STAG3: variants seen among roughly 807,000 people sequenced by gnomAD.
The protein encoded by STAG3 is STAG3 cohesin complex component.
In STAG3, 101 loss-of-function variants were observed where a neutral mutation model predicts 160.7. The ratio of observed to expected loss-of-function variants is 0.63; its 90% CI spans 0.54 to 0.74. STAG3 has a LOEUF of 0.74. Ranked by LOEUF, STAG3 falls within the 30% of genes least tolerant of loss-of-function variation. The pLI, the probability that STAG3 is intolerant of heterozygous loss-of-function variation, is 0.00. For synonymous variants in STAG3, 519 were observed against 585.0 expected (o/e 0.89, Z 1.63); for missense variants, 1,188 against 1,517.4 (o/e 0.78, Z 3.61).
intron 22 of STAG3, 27 bp from the exon 23 acceptor site, chr7:100,201,922 T>G: frequency 6.2e-7 from 1 of 1,614,174 alleles, no homozygotes; most frequent in Non-Finnish European, 8.5e-7. Context: ...GTCTTCATTC[T>G]TCCCCTTCAA....
intron 1 of STAG3, among the ~76,000 whole-genome samples, chr7:100,179,160 T>A (rs934543535): frequency 5.6e-4 from 85 of 151,116 alleles, no homozygotes; most frequent in East Asian, 2.5e-3. Flanking sequence ...TTTTTTTTTT[T>A]AATTATGAGT....
At chr7:100,189,995 T>A (rs1800260456) in intron 8 of STAG3, among the ~76,000 whole-genome samples, 1 of 152,140 alleles carries the variant, frequency 6.6e-6, no homozygotes, top group South Asian at 2.1e-4. Flanking sequence ...TTTCAAGGAA[T>A]GGAAAGAAAA....
intron 21 of STAG3, 76 bp downstream of exon 21, chr7:100,201,427 G>T: frequency 7.6e-7 from 1 of 1,322,346 alleles, no homozygotes. Flanking sequence ...GTGGCCACTA[G>T]GTGTGTCAAG....
At chr7:100,181,162 C>G (rs1195344552) in intron 2 of STAG3, among the ~76,000 whole-genome samples, 6 of 152,092 alleles carry the variant, frequency 3.9e-5, no homozygotes, top group Non-Finnish European at 8.8e-5. Flanking sequence ...ATTTCTTCTA[C>G]TTGGGGATTT....
rs1304677852 is a variant in STAG3 at position 100,198,159 on chromosome 7, A to G, written c.1237A>G (p.Ile413Val). 2.5e-6 allele frequency: 4 copies of G among 1,613,746 alleles called. No homozygotes were observed. The highest frequency in any genetic ancestry group is 3.4e-6 in the Non-Finnish European group (4 of 1,179,816). ...GGAGGCTGTCAGATTACTGATACTTATCCTTAAGTGAGTCCTGGGAAGAGG... is the reference window on the plus strand; with the variant it reads ...GGAGGCTGTCAGATTACTGATACTTGTCCTTAAGTGAGTCCTGGGAAGAGG... ...AVEAVRLLIL[I>V]LKNMEGVLTD... Residue 413 changes from isoleucine to valine, a missense_variant, in exon 12 of 34, where the codon ATC becomes GTC. This residue lies in a region of STAG3 where 240 missense variants were observed against 358.1 expected (regional missense o/e 0.67). Coordinates refer to ENST00000615138, the MANE Select transcript of STAG3 (RefSeq NM_001282717.2).
chr7:100,183,520 G>A (rs1394510224), intron 4 of STAG3, among the ~76,000 whole-genome samples: 1 of 152,030 alleles, frequency 6.6e-6, no homozygotes, highest in Non-Finnish European at 1.5e-5. Context: ...TAATTTTATT[G>A]AAGTTCTAAT....
chr7:100,215,542 TGAG>T (rs972077286), downstream of STAG3, among the ~76,000 whole-genome samples: 5 of 152,120 alleles, frequency 3.3e-5, no homozygotes, highest in Non-Finnish European at 5.9e-5. Context: ...GTGGGAGAAC[TGAG>T]GAGAAGATGT....
Position 100,189,036 on chromosome 7 carries a change from C to A in STAG3, c.715+20C>A, listed in dbSNP as rs1394940502. 1 of 1,612,822 alleles carries A rather than the reference C, an allele frequency of 6.2e-7. No homozygotes were observed. Among genetic ancestry groups the A allele is most frequent in the Non-Finnish European group, 8.5e-7 (1 of 1,179,170 alleles). On this transcript the variant is annotated intron_variant, in intron 7 of 33. Coordinates refer to ENST00000615138, the MANE Select transcript of STAG3 (RefSeq NM_001282717.2). ...TGGCTGGTGAGCATTCATTTTTACT[C>A]TGGACATTCTCCTGGGGATTTATAG...
Position 100,198,873 on chromosome 7 carries a change from G to A in STAG3, c.1383G>A (p.Met461Ile), listed in dbSNP as rs149767669. The A allele has an allele frequency of 1.4e-5, 23 of 1,612,294 alleles. No homozygotes were observed. In the East Asian group the frequency reaches 5.1e-4, roughly 36 times the overall value. The change falls in exon 14 of 34, where the codon ATG becomes ATA. Residue 461 changes from methionine (M) to isoleucine (I), a missense_variant. This residue lies in a region of STAG3 where 240 missense variants were observed against 358.1 expected (regional missense o/e 0.67). Transcript: ENST00000615138. ...KLFYPECEIR[M>I]MGGREQRQSP... The stretch of plus-strand genomic sequence containing the variant: ...TCTACCCTGAGTGCGAGATAAGAAT[G>A]ATGGGTGGAAGAGAGCAACGCCAGA...
chr7:100,210,401 T>C (rs188576497), intron 29 of STAG3, among the ~76,000 whole-genome samples: 67 of 152,356 alleles, frequency 4.4e-4, no homozygotes, highest in Admixed American at 4.3e-3. Context: ...CTTTGGATTC[T>C]TTCTCCTCCT....
chr7:100,198,379 T>C (rs933181593), intron 12 of STAG3, 96 bp from the exon 13 acceptor site: 5 of 1,387,810 alleles, frequency 3.6e-6, no homozygotes, highest in Non-Finnish European at 5.1e-6. Context: ...TTGTGAGTTA[T>C]GTCCTTGTTG....
At position 100,205,182 on chromosome 7, in the gene STAG3, G is replaced by C. The variant is rs1801524582; in HGVS notation, c.3081-45G>C. 6.8e-6 allele frequency: 11 copies of C among 1,613,440 alleles called. No homozygotes were observed. The East Asian group carries it at 2.5e-4, about 36-fold the overall frequency. ...TGTGGATTAGGGAAGGGCCTGCTGA[G>C]GGCCCAGTAGCCCCTTCAGGCTTTT... On this transcript the variant is annotated intron_variant, in intron 28 of 33. Transcript: ENST00000615138.
intron 8 of STAG3, among the ~76,000 whole-genome samples, chr7:100,192,567 C>T (rs1800406288): frequency 2.6e-5 from 4 of 152,212 alleles, no homozygotes; most frequent in Admixed American, 6.5e-5. Flanking sequence ...GAATCCTTCC[C>T]GGACGGGGGG....
In STAG3 at chr7:100,199,311, G is replaced by C; in HGVS notation, c.1517G>C (p.Gly506Ala). ...YLVDSLWDCA[G>A]ARLKDWEGLT... ...GTAGACAGTCTGTGGGACTGTGCAGGGGCTCGGCTGAAGGACTGGGAGGGT... is the reference window on the plus strand; with the variant it reads ...GTAGACAGTCTGTGGGACTGTGCAGCGGCTCGGCTGAAGGACTGGGAGGGT... The change falls in exon 15 of 34, where the codon GGG becomes GCG. Residue 506 changes from glycine to alanine, a missense_variant. Coordinates refer to ENST00000615138, the MANE Select transcript of STAG3 (RefSeq NM_001282717.2). The C allele has an allele frequency of 6.2e-7, 1 of 1,614,184 alleles. No individual in the cohort carries two copies. Among genetic ancestry groups the C allele is most frequent in the Non-Finnish European group, 8.5e-7 (1 of 1,180,024 alleles).
intron 1 of STAG3, among the ~76,000 whole-genome samples, chr7:100,178,959 G>T (rs1799456529): frequency 6.6e-6 from 1 of 151,766 alleles, no homozygotes; most frequent in Admixed American, 6.6e-5. Context: ...CTGCCGAGTA[G>T]CTGGGACTAC....
In STAG3 at chr7:100,182,088, A is replaced by G. The variant is rs749716573; in HGVS notation, c.117-2A>G. On this transcript the variant is annotated splice_acceptor_variant, in intron 2 of 33. Transcript: ENST00000615138. LOFTEE classifies it high-confidence loss of function. ...TTTAAAGAGAACCATACTTTCTCAC[A>G]GGAATGGCGACTCTTTGTTAGCTGA... The G allele has an allele frequency of 6.2e-7, 1 of 1,612,858 alleles. No homozygotes were observed. The highest frequency in any genetic ancestry group is 1.1e-5 in the South Asian group (1 of 91,046).
At chr7:100,193,939 CTTTTTTTTT>C (rs57044186) in intron 8 of STAG3, among the ~76,000 whole-genome samples, 7 of 121,976 alleles carry the variant, frequency 5.7e-5, no homozygotes, top group Non-Finnish European at 1.2e-4. Context: ...TTAATCATTT[CTTTTTTTTT>C]TTTTTTTTTT....
At chr7:100,203,989 C>A in intron 25 of STAG3, 32 bp from the exon 26 acceptor site, 2 of 1,479,328 alleles carry the variant, frequency 1.4e-6, no homozygotes, top group South Asian at 1.1e-5. Flanking sequence ...TTCCACCAGT[C>A]AGACATTACC....
intron 14 of STAG3, 91 bp from the exon 15 acceptor site, chr7:100,199,171 T>C: frequency 1.0e-6 from 1 of 986,396 alleles, no homozygotes; most frequent in African/African-American, 1.6e-5. Context: ...GAGTGGACAC[T>C]GTAGGAAGGA....
Sources: gnomAD v4.1 joint callset for allele counts (sites outside exome capture counted in the v4.1 genomes callset) on GRCh38, gnomAD v4.1.1 for gene constraint, gnomAD v4.1.1 regional missense constraint, MANE v1.5 for transcripts, NCBI Gene and HGNC (gene_info 2026-07-23, HGNC 2026-07-21) for gene names.